The following NAALADL2 variants were observed in gnomAD, a reference collection of about 807,000 sequenced individuals.
NAALADL2 encodes the protein N-acetylated alpha-linked acidic dipeptidase like 2.
Under a neutral mutation model 87.2 loss-of-function variants are expected in NAALADL2, and 76 were observed. That is an observed-to-expected ratio of 0.87 (90% CI 0.72 to 1.05). NAALADL2 has a LOEUF of 1.05. Among genes scored for constraint, NAALADL2 ranks in the 50% least tolerant of loss-of-function variants. The pLI is 0.00. For synonymous variants in NAALADL2, 354 were observed against 331.0 expected, an observed-to-expected ratio of 1.07 and a Z score of -0.75; for missense variants, 1,089 against 945.8, an observed-to-expected ratio of 1.15 and a Z score of -1.99.
intron 3 of NAALADL2, among the ~76,000 whole-genome samples, chr3:174,807,520 T>A (rs1719645471): frequency 6.6e-6 from 1 of 152,154 alleles, no homozygotes; most frequent in Non-Finnish European, 1.5e-5. Flanking sequence ...CACATTTTTC[T>A]TTTGTAATTT....
At chr3:174,900,267 T>C (rs75809493) in intron 1 of NAALADL2, among the ~76,000 whole-genome samples, 2,289 of 152,174 alleles carry the variant, frequency 0.015, 44 homozygotes, top group African/African-American at 0.05. Flanking sequence ...TGGGTAGATA[T>C]ACTAGACATG....
chr3:175,510,627 A>G (rs760306503), intron 9 of NAALADL2, among the ~76,000 whole-genome samples: 2 of 152,218 alleles, frequency 1.3e-5, no homozygotes, highest in Non-Finnish European at 2.9e-5. Context: ...CACTTTTGCA[A>G]CAACTCCATA....
rs548523091 is a variant in NAALADL2 at position 175,613,961 on chromosome 3, G to A, written c.1801-13330G>A. The stretch of plus-strand genomic sequence containing the variant: ...TATTCTCTTTGGGGAATATCTGTAG[G>A]TAAACATATACCTTTTACACATCAG... On this transcript the variant is annotated intron_variant, in intron 10 of 13. Transcript: ENST00000454872. Among the ~76,000 whole-genome samples, 916 of 152,186 alleles carry A rather than the reference G, an allele frequency of 6.0e-3. 6 individuals are homozygous for A. Among genetic ancestry groups the A allele is most frequent in the African/African-American group, 0.021 (859 of 41,520 alleles).
chr3:174,531,969 A>T (rs1364920729), intron 1 of NAALADL2, among the ~76,000 whole-genome samples: 1 of 152,222 alleles, frequency 6.6e-6, no homozygotes, highest in African/African-American at 2.4e-5. Flanking sequence ...AGATTTATTT[A>T]AATCAGTATT....
chr3:175,132,139 AC>A (rs1414056970), intron 2 of NAALADL2, among the ~76,000 whole-genome samples: 2 of 101,836 alleles, frequency 2.0e-5, no homozygotes, highest in African/African-American at 4.2e-5. Flanking sequence ...CGGGGGGCTG[AC>A]CCCCCCACCT....
At chr3:175,412,929 T>TATTATTATTATTA (rs1560510672) in intron 5 of NAALADL2, among the ~76,000 whole-genome samples, 6 of 146,618 alleles carry the variant, frequency 4.1e-5, no homozygotes, top group Admixed American at 6.8e-5. Flanking sequence ...TTATTATTAT[T>TATTATTATTATTA]TTTGAGACGG....
chr3:174,852,034 A>C (rs1440035573), intron 3 of NAALADL2, among the ~76,000 whole-genome samples: 2 of 152,148 alleles, frequency 1.3e-5, no homozygotes, highest in Non-Finnish European at 2.9e-5. Flanking sequence ...ACATACCTTC[A>C]TGAGAAAAAC....
Position 175,490,849 on chromosome 3 carries a change from A to G in NAALADL2, c.1653+19091A>G, listed in dbSNP as rs529842339. Among the ~76,000 whole-genome samples, 9 of 152,284 alleles carry G rather than the reference A, an allele frequency of 5.9e-5. No homozygotes were observed. In the East Asian group the frequency reaches 1.7e-3, roughly 29 times the overall value. ...CAGGGAGGTAGGCAATCCGTGGAAC[A>G]TCATAGCCAAATAGCTGGGTTAATT... On this transcript the variant is annotated intron_variant, in intron 9 of 13. Transcript: ENST00000454872.
chr3:175,529,180 A>G (rs1733789234), intron 9 of NAALADL2, among the ~76,000 whole-genome samples: 1 of 152,186 alleles, frequency 6.6e-6, no homozygotes, highest in Non-Finnish European at 1.5e-5. Context: ...TCTGTTGTGA[A>G]GTAGTAGACT....
At chr3:175,560,640 T>G (rs984822647) in intron 9 of NAALADL2, among the ~76,000 whole-genome samples, 2 of 152,182 alleles carry the variant, frequency 1.3e-5, no homozygotes, top group Non-Finnish European at 2.9e-5. Context: ...CTTCTTTCAC[T>G]GTATCCCCTG....
chr3:175,355,977 T>G (rs980166731), intron 5 of NAALADL2, among the ~76,000 whole-genome samples: 1 of 152,016 alleles, frequency 6.6e-6, no homozygotes, highest in African/African-American at 2.4e-5. Context: ...AGGGAGAACA[T>G]GAGATTTTTG....
At chr3:175,388,253 C>T (rs898084763) in intron 5 of NAALADL2, among the ~76,000 whole-genome samples, 1 of 152,046 alleles carries the variant, frequency 6.6e-6, no homozygotes, top group African/African-American at 2.4e-5. Context: ...GAGGCGCTAG[C>T]TAGCCACCTT....
At chr3:174,807,991 TG>T (rs1719708070) in intron 3 of NAALADL2, among the ~76,000 whole-genome samples, 1 of 152,040 alleles carries the variant, frequency 6.6e-6, no homozygotes, top group Non-Finnish European at 1.5e-5. Context: ...TGTTATATTT[TG>T]TTTGCTAAAG....
intron 3 of NAALADL2, among the ~76,000 whole-genome samples, chr3:174,828,406 A>G (rs192023438): frequency 6.6e-6 from 1 of 152,332 alleles, no homozygotes; most frequent in East Asian, 1.9e-4. Flanking sequence ...GCTTGGCATC[A>G]TAGAGGTGTT....
chr3:175,645,401 A>G (rs1729861346), intron 11 of NAALADL2, among the ~76,000 whole-genome samples: 1 of 152,134 alleles, frequency 6.6e-6, no homozygotes, highest in Non-Finnish European at 1.5e-5. Flanking sequence ...AGATATCACA[A>G]AAATATATGT....
intron 1 of NAALADL2, among the ~76,000 whole-genome samples, chr3:175,022,586 G>T (rs141491303): frequency 1.3e-5 from 2 of 152,040 alleles, no homozygotes; most frequent in Non-Finnish European, 2.9e-5. Context: ...GCCATGGCTG[G>T]TTAAACCCAG....
intron 1 of NAALADL2, among the ~76,000 whole-genome samples, chr3:175,019,148 C>T (rs774600081): frequency 3.2e-4 from 49 of 152,054 alleles, no homozygotes. Flanking sequence ...ATAATTTTTA[C>T]GTCAGTTATG....
chr3:174,529,170 C>A (rs532050098), intron 1 of NAALADL2, among the ~76,000 whole-genome samples: 1 of 152,288 alleles, frequency 6.6e-6, no homozygotes, highest in African/African-American at 2.4e-5. Context: ...GGTAAATACA[C>A]CTATTCTTAA....
Position 175,577,201 on chromosome 3 carries a change from C to T in NAALADL2, c.1800+1014C>T, listed in dbSNP as rs114478774. Among the ~76,000 whole-genome samples the T allele has an allele frequency of 5.9e-3, 893 of 152,256 alleles. 3 individuals are homozygous for T. The highest frequency in any genetic ancestry group is 0.02 in the African/African-American group (843 of 41,554). On this transcript the variant is annotated intron_variant, in intron 10 of 13. Coordinates refer to ENST00000454872, the MANE Select transcript of NAALADL2 (RefSeq NM_207015.3). ...GACACTTACTCGACAAATTATTTAACATCTTTCAAAATGATTTTACAAATG... is the reference window on the plus strand; with the variant it reads ...GACACTTACTCGACAAATTATTTAATATCTTTCAAAATGATTTTACAAATG...
Sources: gnomAD v4.1 joint callset for allele counts (sites outside exome capture counted in the v4.1 genomes callset) on GRCh38, gnomAD v4.1.1 for gene constraint, MANE v1.5 for transcripts, NCBI Gene and HGNC (gene_info 2026-07-23, HGNC 2026-07-21) for gene names.